TIGAR: variants seen among roughly 807,000 people sequenced by gnomAD.
TIGAR encodes TP53 induced glycolysis regulatory phosphatase, also known as fructose-2,6-bisphosphatase TIGAR.
TIGAR carries 7 observed loss-of-function variants against 17.9 expected under a neutral mutation model. The observed-to-expected ratio is 0.39, with a 90% CI of 0.22 to 0.73. The LOEUF is 0.73. Ranked by LOEUF, TIGAR falls within the 30% of genes least tolerant of loss-of-function variation. The probability of loss-of-function intolerance (pLI) is 0.42; values close to 1 mark genes in which losing one functional copy is unlikely to be tolerated. For missense variants in TIGAR, 258 were observed against 327.4 expected (o/e 0.79, Z 1.64); for synonymous variants, 94 against 108.6 (o/e 0.87, Z 0.84).
chr12:4,342,531 A>T (rs554384651), intron 3 of TIGAR, among the ~76,000 whole-genome samples: 7 of 152,348 alleles, frequency 4.6e-5, no homozygotes, highest in Admixed American at 4.6e-4. Flanking sequence ...GACTAACAGC[A>T]GATCTCTTGG....
At chr12:4,331,823 C>T (rs558762551) in intron 2 of TIGAR, among the ~76,000 whole-genome samples, 50 of 152,142 alleles carry the variant, frequency 3.3e-4, no homozygotes, top group African/African-American at 1.2e-3. Context: ...TTTTATTTGC[C>T]CTGTGATCCA....
rs139567597 is a variant in TIGAR, at chr12:4,350,214, G to A, written c.270+318G>A. ...TGTAACCTAGCTACGCTGATGGAAA[G>A]CTAGATTTTCACTAGACTACCACTG... On this transcript the variant is annotated intron_variant, in intron 4 of 5. Coordinates refer to ENST00000179259, the MANE Select transcript of TIGAR (RefSeq NM_020375.3). Among the ~76,000 whole-genome samples the A allele has an allele frequency of 1.2e-3, 176 of 152,320 alleles. 1 individual carries two copies. The highest frequency in any genetic ancestry group is 4.0e-3 in the African/African-American group (166 of 41,572).
At chr12:4,333,864 T>G (rs1456771017) in intron 2 of TIGAR, among the ~76,000 whole-genome samples, 1 of 152,196 alleles carries the variant, frequency 6.6e-6, no homozygotes, top group African/African-American at 2.4e-5. Flanking sequence ...CCTCCCAAAG[T>G]GTTGGGATTA....
intron 1 of TIGAR, among the ~76,000 whole-genome samples, chr12:4,324,988 G>A (rs1864528076): frequency 6.9e-6 from 1 of 145,980 alleles, no homozygotes; most frequent in Non-Finnish European, 1.5e-5. Flanking sequence ...TGTCACCCAG[G>A]TTGGAGTGCA....
intron 1 of TIGAR, among the ~76,000 whole-genome samples, chr12:4,328,152 C>A (rs1290777489): frequency 6.6e-6 from 1 of 152,152 alleles, no homozygotes; most frequent in East Asian, 1.9e-4. Context: ...TATCCTCTTT[C>A]ATGCCCATTT....
Position 4,355,714 on chromosome 12 carries a change from T to C in TIGAR, c.*3023T>C, listed in dbSNP as rs1864892961. Among the ~76,000 whole-genome samples, 2 of 152,208 alleles carry C rather than the reference T, an allele frequency of 1.3e-5. No homozygotes were observed. The highest frequency in any genetic ancestry group is 2.9e-5 in the Non-Finnish European group (2 of 68,030). ...CTGTCCTTGTGGAACATTTGTTCTG[T>C]CAGAGAAGACAGTGTGTTGGCTCAC... On this transcript the variant is annotated 3_prime_UTR_variant, in exon 6 of 6. Coordinates refer to ENST00000179259, the MANE Select transcript of TIGAR (RefSeq NM_020375.3).
intron 3 of TIGAR, among the ~76,000 whole-genome samples, chr12:4,344,906 A>T (rs1363244970): frequency 6.6e-6 from 1 of 152,240 alleles, no homozygotes; most frequent in Non-Finnish European, 1.5e-5. Context: ...CTGATAAGCA[A>T]CTTCAGCAAA....
At chr12:4,346,723 G>A (rs536868589) in intron 3 of TIGAR, among the ~76,000 whole-genome samples, 186 of 151,848 alleles carry the variant, frequency 1.2e-3, no homozygotes, top group Middle Eastern at 6.8e-3. Flanking sequence ...CCTGCACGTC[G>A]TGCACATGTA....
chr12:4,327,410 GAAAA>G (rs541221100), intron 1 of TIGAR, among the ~76,000 whole-genome samples: 1 of 85,092 alleles, frequency 1.2e-5, no homozygotes. Flanking sequence ...CCCCATCTCA[GAAAA>G]AAAAAAAAAA....
intron 1 of TIGAR, chr12:4,324,726 C>T (rs924922041): frequency 2.6e-5 from 17 of 643,310 alleles, no homozygotes; most frequent in Non-Finnish European, 4.1e-5. Context: ...GCTCGCAGGA[C>T]ACGTCCCGTC....
At chr12:4,330,565 G>A (rs573800357) in intron 1 of TIGAR, among the ~76,000 whole-genome samples, 1 of 152,294 alleles carries the variant, frequency 6.6e-6, no homozygotes, top group East Asian at 1.9e-4. Context: ...AACCTATCCT[G>A]CTGTCTGTCC....
intron 2 of TIGAR, among the ~76,000 whole-genome samples, chr12:4,333,180 T>G (rs1864621730): frequency 6.6e-6 from 1 of 152,206 alleles, no homozygotes; most frequent in Non-Finnish European, 1.5e-5. Context: ...ATTTCACTGG[T>G]ATGTATTTTT....
At chr12:4,347,652 CAT>C (rs1864795449) in intron 3 of TIGAR, among the ~76,000 whole-genome samples, 2 of 152,072 alleles carry the variant, frequency 1.3e-5, no homozygotes, top group African/African-American at 4.8e-5. Context: ...CAAAGTGTCT[CAT>C]GTGCCCCATA....
chr12:4,351,179 A>G (rs1864833968), intron 4 of TIGAR, 88 bp from the exon 5 acceptor site: 4 of 1,185,664 alleles, frequency 3.4e-6, no homozygotes, highest in Non-Finnish European at 4.9e-6. Flanking sequence ...TATTCCTGGG[A>G]TGAATGTTCT....
rs1864956404 is a variant in TIGAR at position 4,359,905 on chromosome 12, GTA to G, written c.*7216_*7217del. On this transcript the variant is annotated 3_prime_UTR_variant, in exon 6 of 6. Coordinates refer to ENST00000179259, the MANE Select transcript of TIGAR (RefSeq NM_020375.3). ...TAAAATTTTAGCCATTCTGATTGTTGTATGGTAGTATATCCCTGCAATTTTAA... is the reference window on the plus strand; with the variant it reads ...TAAAATTTTAGCCATTCTGATTGTTGTGGTAGTATATCCCTGCAATTTTAA... Among the ~76,000 whole-genome samples, 1 of 150,896 alleles carries G rather than the reference GTA, an allele frequency of 6.6e-6. No individual in the cohort carries two copies. Among genetic ancestry groups the G allele is most frequent in the African/African-American group, 2.5e-5 (1 of 40,338 alleles).
rs1023410881 is a variant in TIGAR at position 4,352,970 on chromosome 12, TG to T, written c.*284del. The stretch of plus-strand genomic sequence containing the variant: ...GATGAAGGAACTCAGCATTGAAAGT[TG>T]GGGGATTAGTAACCTTGTTACAACG... On this transcript the variant is annotated 3_prime_UTR_variant, in exon 6 of 6. Coordinates refer to ENST00000179259, the MANE Select transcript of TIGAR (RefSeq NM_020375.3). The T allele has an allele frequency of 6.8e-5, 26 of 380,000 alleles. No individual in the cohort carries two copies. The highest frequency in any genetic ancestry group is 1.0e-4 in the Non-Finnish European group (22 of 211,828). The allele number at this position is 380,000 out of a possible 1,614,324, so 23.5% of individuals were successfully genotyped here. A position where few individuals can be genotyped will look rare whatever the true frequency, so the allele number is the denominator to read the frequency against.
At chr12:4,334,367 C>T (rs2120661748) in intron 2 of TIGAR, among the ~76,000 whole-genome samples, 1 of 152,318 alleles carries the variant, frequency 6.6e-6, no homozygotes, top group African/African-American at 2.4e-5. Flanking sequence ...TAATCCTGTT[C>T]ATGAGGGCTC....
chr12:4,337,246 A>G, intron 3 of TIGAR, 86 bp downstream of exon 3: 2 of 969,608 alleles, frequency 2.1e-6, no homozygotes, highest in East Asian at 5.6e-5. Context: ...TGTTCACTGC[A>G]ACCTCCATCT....
intron 1 of TIGAR, among the ~76,000 whole-genome samples, chr12:4,330,894 A>G (rs942477473): frequency 6.6e-6 from 1 of 152,228 alleles, no homozygotes; most frequent in African/African-American, 2.4e-5. Context: ...TCAGTCCAGC[A>G]ATGAATAGAC....
Sources: allele counts gnomAD v4.1 joint callset (sites outside exome capture counted in the v4.1 genomes callset), GRCh38; gene constraint gnomAD v4.1.1; transcripts MANE v1.5; gene names NCBI Gene and HGNC (gene_info 2026-07-23, HGNC 2026-07-21).